SHROOM2: variants seen among roughly 807,000 people sequenced by gnomAD.
The protein encoded by SHROOM2 is protein Shroom2.
Under a neutral mutation model 75.9 loss-of-function variants are expected in SHROOM2, and 33 were observed. The ratio of observed to expected loss-of-function variants is 0.43; its 90% CI spans 0.33 to 0.58. The LOEUF (loss-of-function observed/expected upper bound fraction) is 0.58. SHROOM2 is among the 20% of genes least tolerant of loss of function. SHROOM2 has a pLI of 0.04. For synonymous variants in SHROOM2, 655 were observed against 663.6 expected, an observed-to-expected ratio of 0.99 and a Z score of 0.20; for missense variants, 1,434 against 1,461.2, an observed-to-expected ratio of 0.98 and a Z score of 0.30.
intron 5 of SHROOM2, among the ~76,000 whole-genome samples, chrX:9,927,513 T>C (rs2084607602): frequency 9.0e-6 from 1 of 111,326 alleles, no homozygotes; most frequent in Non-Finnish European, 1.9e-5. Context: ...GATTATTGAT[T>C]ACAGAGCAGT....
chrX:9,884,368 C>CTTCTTTTTTTTTTTTTTT (rs1372366663), intron 2 of SHROOM2, among the ~76,000 whole-genome samples: 1 of 62,306 alleles, frequency 1.6e-5, no homozygotes. Flanking sequence ...TTTTTCTTTT[C>CTTCTTTTTTTTTTTTTTT]TTTTTTTTTT....
rs767181107 is a variant in SHROOM2, at chrX:9,895,201, A to G, written c.1293A>G (p.Leu431=). ...QSPHSGRHPP[L]YSDHSPLCAD... is the part of the protein sequence containing the mutation. Reference sequence around the variant, plus strand: ...CTCATAGCGGCCGACACCCTCCCCTATACAGCGACCACAGCCCCCTCTGTG... The same window carrying G: ...CTCATAGCGGCCGACACCCTCCCCTGTACAGCGACCACAGCCCCCTCTGTG... The change falls in exon 4 of 10, where the codon CTA becomes CTG. Residue 431 remains leucine (L), a synonymous_variant. Coordinates refer to ENST00000380913, the MANE Select transcript of SHROOM2 (RefSeq NM_001649.4). 8.3e-7 allele frequency: 1 copy of G among 1,209,611 alleles called. No homozygotes were observed. Among genetic ancestry groups the G allele is most frequent in the South Asian group, 1.8e-5 (1 of 56,593 alleles).
intron 1 of SHROOM2, among the ~76,000 whole-genome samples, chrX:9,856,115 A>G (rs1328553137): frequency 9.2e-6 from 1 of 108,560 alleles, no homozygotes; most frequent in Non-Finnish European, 1.9e-5. Flanking sequence ...GAAAAAGTCA[A>G]CAAAGGGCTT....
rs192314239 is a variant in SHROOM2, at chrX:9,874,870, A to G, written c.317+1067A>G. Among the ~76,000 whole-genome samples, 40 of 107,746 alleles carry G rather than the reference A, an allele frequency of 3.7e-4. No individual in the cohort carries two copies. The East Asian group carries it at 0.012, about 32-fold the overall frequency. The allele number at this position is 107,746 out of a possible 115,157, so 93.6% of individuals were successfully genotyped here. ...AGGATCACTTGAGCCCAGGAGTTCA[A>G]TCGAGACCAGCCTGGGCAACATAGT... On this transcript the variant is annotated intron_variant, in intron 2 of 9. Coordinates refer to ENST00000380913, the MANE Select transcript of SHROOM2 (RefSeq NM_001649.4).
chrX:9,833,577 C>T (rs978474330), intron 1 of SHROOM2, among the ~76,000 whole-genome samples: 6 of 106,638 alleles, frequency 5.6e-5, no homozygotes, highest in Admixed American at 2.1e-4. Flanking sequence ...TGAAGGACTC[C>T]ACTGACAATG....
Position 9,786,629 on chromosome X carries a change from G to A in SHROOM2, c.84G>A (p.Glu28=). 1.1e-6 allele frequency: 1 copy of A among 883,708 alleles called. No homozygotes were observed. The highest frequency in any genetic ancestry group is 1.4e-6 in the Non-Finnish European group (1 of 721,441). 72.8% of individuals were successfully genotyped at this position (883,708 alleles called of 1,213,427 possible). The change falls in exon 1 of 10, where the codon GAG becomes GAA. Residue 28 remains glutamate (E), a synonymous_variant. Transcript: ENST00000380913. ...TRAADGGRLV[E]VQLSGGAPWG... ...CGGCGGACGGCGGGCGCCTGGTGGA[G>A]GTGCAGCTGAGCGGCGGCGCCCCGT...
chrX:9,809,562 C>G (rs1390521644), intron 1 of SHROOM2, among the ~76,000 whole-genome samples: 1 of 112,553 alleles, frequency 8.9e-6, no homozygotes, highest in Non-Finnish European at 1.9e-5. Context: ...ATGGTAAGGT[C>G]ATAATTACGC....
At chrX:9,919,324 CTTTTTTTTTTTTTT>C (rs55905923) in intron 5 of SHROOM2, among the ~76,000 whole-genome samples, 2 of 32,468 alleles carry the variant, frequency 6.2e-5, no homozygotes, top group African/African-American at 1.3e-4. Context: ...GAGGAGGTTG[CTTTTTTTTTTTTTT>C]TTTTTTTTTT....
At position 9,791,839 on chromosome X, in the gene SHROOM2, A is replaced by C. The variant is rs1401026414; in HGVS notation, c.165+5129A>C. Among the ~76,000 whole-genome samples, 6 of 109,736 alleles carry C rather than the reference A, an allele frequency of 5.5e-5. No homozygotes were observed. In the East Asian group the frequency reaches 1.7e-3, roughly 31 times the overall value. ...GAAACCCTGTCTCTACTAAAAATAC[A>C]AAAAAATTAGCCGGGTGTGGTGGTG... On this transcript the variant is annotated intron_variant, in intron 1 of 9. Transcript: ENST00000380913.
chrX:9,850,280 A>T (rs1181713414), intron 1 of SHROOM2, among the ~76,000 whole-genome samples: 1 of 111,552 alleles, frequency 9.0e-6, no homozygotes, highest in Non-Finnish European at 1.9e-5. Context: ...ACAAGCTGTC[A>T]TTTTCTTTTA....
intron 1 of SHROOM2, among the ~76,000 whole-genome samples, chrX:9,803,343 A>T (rs1321476006): frequency 1.8e-5 from 2 of 111,560 alleles, no homozygotes; most frequent in Admixed American, 1.9e-4. Flanking sequence ...CTTAAAAATA[A>T]TTTTTTAAAA....
rs1045318001 is a variant in SHROOM2 at position 9,936,614 on chromosome X, TGGG to T, written c.3588-516_3588-514del. Among the ~76,000 whole-genome samples the T allele has an allele frequency of 2.7e-5, 3 of 110,430 alleles. No homozygotes were observed. In the South Asian group the frequency reaches 1.1e-3, roughly 42 times the overall value. On this transcript the variant is annotated intron_variant, in intron 6 of 9. Coordinates refer to ENST00000380913, the MANE Select transcript of SHROOM2 (RefSeq NM_001649.4). ...CAGGAGGTTCTCCCAAGTGGGGTGG[TGGG>T]GGGCTTTGGCCTGACTCCAAGCACG...
chrX:9,923,801 C>A (rs1602004783), intron 5 of SHROOM2, among the ~76,000 whole-genome samples: 2 of 112,373 alleles, frequency 1.8e-5, no homozygotes, highest in South Asian at 7.3e-4. Flanking sequence ...TGGGCATTAA[C>A]CCCTCGAGAA....
chrX:9,841,244 C>T (rs2083977935), intron 1 of SHROOM2, among the ~76,000 whole-genome samples: 1 of 82,554 alleles, frequency 1.2e-5, no homozygotes, highest in African/African-American at 4.7e-5. Flanking sequence ...GCATTAGCCA[C>T]TGTGCCTGGC....
At chrX:9,818,458 C>T (rs1025338634) in intron 1 of SHROOM2, 7 of 236,250 alleles carry the variant, frequency 3.0e-5, no homozygotes, top group East Asian at 1.2e-4. Context: ...GGCCTTTTTC[C>T]GACCAGCTGA....
At chrX:9,864,746 A>G (rs1257033296) in intron 1 of SHROOM2, among the ~76,000 whole-genome samples, 1 of 106,390 alleles carries the variant, frequency 9.4e-6, no homozygotes, top group East Asian at 2.9e-4. Flanking sequence ...AATGGCGTGA[A>G]CCCGGGAGGC....
At chrX:9,819,306 TAC>T in intron 1 of SHROOM2, 3 of 552,171 alleles carry the variant, frequency 5.4e-6, no homozygotes, top group Non-Finnish European at 9.1e-6. Context: ...CCCACCAAAA[TAC>T]TTGGTGGGAT....
At chrX:9,902,886 C>CTG (rs1473340680) in intron 5 of SHROOM2, among the ~76,000 whole-genome samples, 2 of 111,739 alleles carry the variant, frequency 1.8e-5, no homozygotes, top group African/African-American at 6.5e-5. Flanking sequence ...CTGCCAAGCA[C>CTG]TGATGAGCTG....
intron 7 of SHROOM2, 131 bp from the exon 8 acceptor site, chrX:9,939,064 G>T: frequency 2.1e-6 from 1 of 481,500 alleles, no homozygotes; most frequent in Non-Finnish European, 3.3e-6. Flanking sequence ...TCCCCCTTTG[G>T]CTGTCTCATC....
Sources: gnomAD v4.1 joint callset for allele counts (sites outside exome capture counted in the v4.1 genomes callset) on GRCh38, gnomAD v4.1.1 for gene constraint, MANE v1.5 for transcripts, NCBI Gene and HGNC (gene_info 2026-07-23, HGNC 2026-07-21) for gene names.